The following CDYL2 variants were observed in gnomAD, a reference collection of about 807,000 sequenced individuals.
CDYL2 encodes chromodomain Y like 2.
CDYL2 carries 23 observed loss-of-function variants against 49.4 expected under a neutral mutation model. The observed-to-expected ratio is 0.47, with a 90% CI of 0.34 to 0.66. CDYL2 has a LOEUF of 0.66. Ranked by LOEUF, CDYL2 falls within the 30% of genes least tolerant of loss-of-function variation. CDYL2 has a pLI of 0.01. For missense variants in CDYL2, 678 were observed against 656.4 expected (o/e 1.03, Z -0.36); for synonymous variants, 360 against 268.8 (o/e 1.34, Z -3.32).
At chr16:80,758,236 A>G (rs986262454) in intron 1 of CDYL2, among the ~76,000 whole-genome samples, 2 of 152,180 alleles carry the variant, frequency 1.3e-5, no homozygotes, top group Non-Finnish European at 2.9e-5. Flanking sequence ...GAACTTAGCT[A>G]AGACATTTTA....
At chr16:80,699,554 T>C (rs1162070188) in intron 1 of CDYL2, among the ~76,000 whole-genome samples, 5 of 152,208 alleles carry the variant, frequency 3.3e-5, no homozygotes, top group Admixed American at 2.0e-4. Flanking sequence ...AGTTAATAAA[T>C]ACAAAATCAC....
intron 3 of CDYL2, among the ~76,000 whole-genome samples, chr16:80,623,963 G>C (rs1907194902): frequency 6.6e-6 from 1 of 152,138 alleles, no homozygotes; most frequent in Admixed American, 6.5e-5. Flanking sequence ...ATGGAGCCAG[G>C]ATCTGAAAGT....
At chr16:80,663,286 G>A (rs1909124203) in intron 2 of CDYL2, among the ~76,000 whole-genome samples, 1 of 151,496 alleles carries the variant, frequency 6.6e-6, no homozygotes. Context: ...AGGAGGTGAG[G>A]TGGAGGGGAG....
chr16:80,607,726 C>T (rs925228511), intron 6 of CDYL2, among the ~76,000 whole-genome samples: 5 of 152,196 alleles, frequency 3.3e-5, no homozygotes, highest in Non-Finnish European at 7.3e-5. Flanking sequence ...AGTCATCTTC[C>T]GGATGGGTTC....
intron 2 of CDYL2, among the ~76,000 whole-genome samples, chr16:80,675,575 G>T (rs1212963713): frequency 3.3e-5 from 5 of 152,122 alleles, no homozygotes; most frequent in Non-Finnish European, 7.3e-5. Flanking sequence ...GTGGAGGAAG[G>T]CCCTGGGATC....
At chr16:80,777,951 T>C (rs1314013484) in intron 1 of CDYL2, among the ~76,000 whole-genome samples, 1 of 146,444 alleles carries the variant, frequency 6.8e-6, no homozygotes, top group Non-Finnish European at 1.6e-5. Flanking sequence ...AAACTTAGCA[T>C]AATACTAAAA....
intron 3 of CDYL2, among the ~76,000 whole-genome samples, chr16:80,630,954 T>C (rs1027418806): frequency 6.6e-6 from 1 of 152,126 alleles, no homozygotes; most frequent in Non-Finnish European, 1.5e-5. Context: ...ATCCCTTGAC[T>C]TCATCCTCCA....
chr16:80,665,764 C>G (rs1347796823), intron 2 of CDYL2, among the ~76,000 whole-genome samples: 2 of 152,058 alleles, frequency 1.3e-5, no homozygotes, highest in African/African-American at 4.8e-5. Context: ...ACCTCCTACT[C>G]AGTGGCACTG....
In CDYL2 at chr16:80,599,994, C is replaced by G. The variant is rs1372871711; in HGVS notation, c.*4394G>C. ...GCTTACGTTGCATGGAGGAAACAAC[C>G]CGTATTACCCTTTTTAAATTTTTTT... is the stretch of plus-strand genomic sequence containing the variant. On this transcript the variant is annotated 3_prime_UTR_variant, in exon 7 of 7. Transcript: ENST00000570137. 1 of 152,154 alleles carries G rather than the reference C, an allele frequency of 6.6e-6. No individual in the cohort carries two copies. Among genetic ancestry groups the G allele is most frequent in the Non-Finnish European group, 1.5e-5 (1 of 68,026 alleles). The allele number at this position is 152,154 out of a possible 1,614,324, so 9.4% of individuals were successfully genotyped here. A position where few individuals can be genotyped will look rare whatever the true frequency, so the allele number is the denominator to read the frequency against.
At chr16:80,659,705 T>A (rs935998111) in intron 2 of CDYL2, among the ~76,000 whole-genome samples, 1 of 152,006 alleles carries the variant, frequency 6.6e-6, no homozygotes, top group Non-Finnish European at 1.5e-5. Context: ...GGGTCCTTCA[T>A]AGTTTTCTGT....
chr16:80,717,769 A>G (rs1904860101), intron 1 of CDYL2, among the ~76,000 whole-genome samples: 1 of 152,242 alleles, frequency 6.6e-6, no homozygotes, highest in African/African-American at 2.4e-5. Flanking sequence ...ATAAATGATT[A>G]ACTAATTGCA....
intron 1 of CDYL2, among the ~76,000 whole-genome samples, chr16:80,704,790 C>A (rs920888746): frequency 6.6e-6 from 1 of 152,174 alleles, no homozygotes; most frequent in Non-Finnish European, 1.5e-5. Context: ...AGAAAGGCCA[C>A]GTGGCTGAAG....
intron 1 of CDYL2, among the ~76,000 whole-genome samples, chr16:80,724,999 G>A (rs1015604240): frequency 6.6e-6 from 1 of 152,178 alleles, no homozygotes; most frequent in African/African-American, 2.4e-5. Flanking sequence ...GCAGTCTACT[G>A]AGTTAAGCAT....
chr16:80,799,562 T>G (rs1423225794), intron 1 of CDYL2, among the ~76,000 whole-genome samples: 1 of 152,210 alleles, frequency 6.6e-6, no homozygotes, highest in Non-Finnish European at 1.5e-5. Context: ...CAAATCTTGG[T>G]AATCTAAATG....
intron 2 of CDYL2, among the ~76,000 whole-genome samples, chr16:80,666,105 C>G (rs942596168): frequency 6.6e-6 from 1 of 152,158 alleles, no homozygotes; most frequent in African/African-American, 2.4e-5. Context: ...TCCTTTCTGG[C>G]AGGCTTGCTA....
chr16:80,724,791 G>A (rs1385184290), intron 1 of CDYL2, among the ~76,000 whole-genome samples: 2 of 152,168 alleles, frequency 1.3e-5, no homozygotes, highest in Non-Finnish European at 2.9e-5. Context: ...GCATCACCAA[G>A]TCACCAAACC....
At chr16:80,629,225 G>T (rs1443818292) in intron 3 of CDYL2, among the ~76,000 whole-genome samples, 2 of 152,172 alleles carry the variant, frequency 1.3e-5, no homozygotes, top group Non-Finnish European at 2.9e-5. Context: ...AGATCATTCT[G>T]CCTGCCTTAT....
At chr16:80,764,127 G>A (rs539829067) in intron 1 of CDYL2, among the ~76,000 whole-genome samples, 1 of 152,222 alleles carries the variant, frequency 6.6e-6, no homozygotes, top group South Asian at 2.1e-4. Flanking sequence ...GTAAAGATAA[G>A]CATTTGATAA....
intron 1 of CDYL2, among the ~76,000 whole-genome samples, chr16:80,785,704 T>G (rs986928086): frequency 3.3e-5 from 5 of 152,164 alleles, no homozygotes; most frequent in African/African-American, 1.2e-4. Flanking sequence ...GCTACCTGAC[T>G]TCAAACTTTA....
Sources: gnomAD v4.1 joint callset for allele counts (sites outside exome capture counted in the v4.1 genomes callset) on GRCh38, gnomAD v4.1.1 for gene constraint, MANE v1.5 for transcripts, NCBI Gene and HGNC (gene_info 2026-07-23, HGNC 2026-07-21) for gene names.